The following TNFRSF8 variants were observed in gnomAD, a reference collection of about 807,000 sequenced individuals.
TNFRSF8 encodes the protein TNF receptor superfamily member 8.
Under a neutral mutation model 70.8 loss-of-function variants are expected in TNFRSF8, and 26 were observed. The observed-to-expected ratio is 0.37, with a 90% confidence interval of 0.27 to 0.51. TNFRSF8 has a LOEUF of 0.51. TNFRSF8 is among the 20% of genes least tolerant of loss of function. The pLI is 0.94. For synonymous variants in TNFRSF8, 356 were observed against 339.2 expected (o/e 1.05, Z -0.54); for missense variants, 720 against 807.9 (o/e 0.89, Z 1.32).
chr1:12,091,718 C>A (rs1207664983), intron 2 of TNFRSF8, among the ~76,000 whole-genome samples: 1 of 152,188 alleles, frequency 6.6e-6, no homozygotes, highest in Non-Finnish European at 1.5e-5. Context: ...AACAAAGTAC[C>A]TCAGGCTGAG....
intron 12 of TNFRSF8, among the ~76,000 whole-genome samples, chr1:12,131,854 C>T (rs548804195): frequency 7.3e-4 from 111 of 151,890 alleles, no homozygotes; most frequent in Admixed American, 2.0e-3. Flanking sequence ...AGTGCAATGG[C>T]GCAATCTCAG....
Position 12,109,754 on chromosome 1 carries a change from G to T in TNFRSF8, c.512+98G>T, listed in dbSNP as rs892240331. 4.8e-5 allele frequency: 52 copies of T among 1,084,420 alleles called. No homozygotes were observed. The highest frequency in any genetic ancestry group is 6.7e-5 in the Non-Finnish European group (49 of 729,132). The allele number at this position is 1,084,420 out of a possible 1,614,324, so 67.2% of individuals were successfully genotyped here. On this transcript the variant is annotated intron_variant, in intron 5 of 14. Coordinates refer to ENST00000263932, the MANE Select transcript of TNFRSF8 (RefSeq NM_001243.5). The surrounding 1 kb of genome is among the most constrained non-coding windows in gnomAD (Gnocchi z 4.4). ...CGCCCATGGTACAACTGGGCTGGGG[G>T]TGTAAGCGGGATTCAGCCCATGGTG...
intron 6 of TNFRSF8, among the ~76,000 whole-genome samples, chr1:12,111,237 A>G (rs565392650): frequency 5.3e-4 from 81 of 151,976 alleles, no homozygotes; most frequent in Non-Finnish European, 9.9e-4. Flanking sequence ...ACTGGAGTGC[A>G]GTGGCGTGAT....
At chr1:12,075,268 A>ATTT (rs1557574499) in intron 1 of TNFRSF8, among the ~76,000 whole-genome samples, 2 of 150,210 alleles carry the variant, frequency 1.3e-5, no homozygotes, top group Non-Finnish European at 1.5e-5. Context: ...TTTTTTTTTA[A>ATTT]AGAGACAGGG....
chr1:12,063,661 G>A lies in TNFRSF8; in HGVS notation c.63G>A (p.Gln21=), dbSNP rs986188702. 2 of 1,273,150 alleles carry A rather than the reference G, an allele frequency of 1.6e-6. No individual in the cohort carries two copies. Among genetic ancestry groups the A allele is most frequent in the Non-Finnish European group, 2.0e-6 (2 of 1,000,434 alleles). 78.9% of individuals were successfully genotyped at this position (1,273,150 alleles called of 1,614,324 possible). A position where few individuals can be genotyped will look rare whatever the true frequency, so the allele number is the denominator to read the frequency against. Reference sequence around the variant, plus strand: ...TGGGGGCGCTACGAGCCTTCCCACAGGTAAGCGGGTGACGGGCGCCTGGGG... The same window carrying A: ...TGGGGGCGCTACGAGCCTTCCCACAAGTAAGCGGGTGACGGGCGCCTGGGG... The part of the protein sequence containing the change: ...LFLGALRAFP[Q]DRPFEDTCHG... Residue 21 remains glutamine (Q), a splice_region_variant and synonymous_variant, in exon 1 of 15, where the codon CAG becomes CAA. Transcript: ENST00000263932. This position sits in a 1 kb window ranked among gnomAD's most constrained non-coding sequence, Gnocchi z 7.2.
chr1:12,070,104 G>A (rs1640815495), intron 1 of TNFRSF8, among the ~76,000 whole-genome samples: 1 of 150,640 alleles, frequency 6.6e-6, no homozygotes, highest in Non-Finnish European at 1.5e-5. Flanking sequence ...TGGCAGGGGA[G>A]CAATACTGCA....
rs1173662093 is a variant in TNFRSF8 at position 12,142,385 on chromosome 1, T to G, written c.1642T>G (p.Leu548Val). ...CCTGGCGGGGCCAGCAGAGCCCGAG[T>G]TGGAGGAGGAGCTGGAGGCGGACCA... ...RGLAGPAEPELEEELEADHTP... is the reference protein window; with the variant it reads ...RGLAGPAEPEVEEELEADHTP... Residue 548 changes from leucine to valine, a missense_variant, in exon 15 of 15, where the codon TTG becomes GTG. Transcript: ENST00000263932. This position sits in a 1 kb window ranked among gnomAD's most constrained non-coding sequence, Gnocchi z 5.0. 2 of 1,611,148 alleles carry G rather than the reference T, an allele frequency of 1.2e-6. No homozygotes were observed.
intron 1 of TNFRSF8, among the ~76,000 whole-genome samples, chr1:12,081,453 G>GC (rs953349164): frequency 6.6e-6 from 1 of 151,930 alleles, no homozygotes; most frequent in African/African-American, 2.4e-5. Context: ...GCAGGTTCCT[G>GC]CCCCCCTGGA....
chr1:12,090,536 C>T lies in TNFRSF8; in HGVS notation c.151+5985C>T, dbSNP rs77688303. ...TCCATCCACCCACCCACTCATCCAC[C>T]TACTCGTTTATCCATTCACCTATGC... On this transcript the variant is annotated intron_variant, in intron 2 of 14. Coordinates refer to ENST00000263932, the MANE Select transcript of TNFRSF8 (RefSeq NM_001243.5). Among the ~76,000 whole-genome samples the T allele has an allele frequency of 6.3e-3, 951 of 151,142 alleles. 7 individuals carry two copies. The highest frequency in any genetic ancestry group is 0.022 in the African/African-American group (892 of 41,150).
chr1:12,111,477 C>T (rs1453553999), intron 6 of TNFRSF8, among the ~76,000 whole-genome samples: 2 of 152,144 alleles, frequency 1.3e-5, no homozygotes, highest in African/African-American at 2.4e-5. Context: ...CCACCGCGCC[C>T]GGCCCACACC....
At chr1:12,083,775 C>T (rs1362952181) in intron 1 of TNFRSF8, among the ~76,000 whole-genome samples, 8 of 152,194 alleles carry the variant, frequency 5.3e-5, no homozygotes, top group African/African-American at 1.9e-4. Context: ...CAGAAATGAG[C>T]AACTGTTATT....
At chr1:12,083,896 A>G (rs1641107502) in intron 1 of TNFRSF8, among the ~76,000 whole-genome samples, 2 of 152,328 alleles carry the variant, frequency 1.3e-5, no homozygotes, top group South Asian at 4.1e-4. Context: ...AGTCAACACT[A>G]ATAGAGCGAT....
intron 13 of TNFRSF8, among the ~76,000 whole-genome samples, chr1:12,136,622 C>T (rs72642607): frequency 0.073 from 10,665 of 146,282 alleles, 492 homozygotes; most frequent in South Asian, 0.21. Context: ...GCTCTCCCAG[C>T]CCGGGTAACA....
intron 1 of TNFRSF8, among the ~76,000 whole-genome samples, chr1:12,067,058 G>T (rs1640754739): frequency 3.3e-5 from 5 of 152,184 alleles, no homozygotes; most frequent in Admixed American, 2.6e-4. Flanking sequence ...CCATCTGAGA[G>T]TTGGCCTCTG....
chr1:12,076,086 CT>C (rs372578463), intron 1 of TNFRSF8, among the ~76,000 whole-genome samples: 11 of 134,486 alleles, frequency 8.2e-5, no homozygotes, highest in Admixed American at 3.0e-4. Context: ...TGGTTTTATT[CT>C]TTTTTTTTTC....
intron 2 of TNFRSF8, among the ~76,000 whole-genome samples, chr1:12,095,870 G>A (rs1245654243): frequency 1.3e-5 from 2 of 152,222 alleles, no homozygotes; most frequent in African/African-American, 2.4e-5. Flanking sequence ...GTCCTCAGGA[G>A]CCCATTTCTC....
intron 8 of TNFRSF8, among the ~76,000 whole-genome samples, chr1:12,122,902 C>G (rs1274494830): frequency 6.6e-6 from 1 of 151,980 alleles, no homozygotes; most frequent in Admixed American, 6.6e-5. Flanking sequence ...GATCTCAGCT[C>G]ACTGCAGCCT....
chr1:12,095,502 G>T (rs1457013330), intron 2 of TNFRSF8, among the ~76,000 whole-genome samples: 1 of 152,164 alleles, frequency 6.6e-6, no homozygotes. Context: ...TGGCCAGGCT[G>T]GTCTTGAACC....
chr1:12,096,933 C>T (rs1054665419), intron 2 of TNFRSF8, among the ~76,000 whole-genome samples, 168 bp from the exon 3 acceptor site: 1 of 152,196 alleles, frequency 6.6e-6, no homozygotes, highest in African/African-American at 2.4e-5. Flanking sequence ...GAGGGTTGCC[C>T]CTCCTGGGTG....
Sources: allele counts gnomAD v4.1 joint callset (sites outside exome capture counted in the v4.1 genomes callset), GRCh38; gene constraint gnomAD v4.1.1; non-coding constraint Gnocchi (gnomAD v3.1); transcripts MANE v1.5; gene names NCBI Gene and HGNC (gene_info 2026-07-23, HGNC 2026-07-21).